PHF20L1: variants seen among roughly 807,000 people sequenced by gnomAD.
PHF20L1 encodes the protein PHD finger protein 20-like protein 1.
Under a neutral mutation model 125.5 loss-of-function variants are expected in PHF20L1, and 44 were observed. The observed-to-expected ratio is 0.35, with a 90% CI of 0.28 to 0.45. PHF20L1 has a LOEUF of 0.45. Among genes scored for constraint, PHF20L1 ranks in the 20% least tolerant of loss-of-function variants. PHF20L1 has a pLI of 1.00. For synonymous variants in PHF20L1, 380 were observed against 403.1 expected, an observed-to-expected ratio of 0.94 and a Z score of 0.69; for missense variants, 1,012 against 1,217.2, an observed-to-expected ratio of 0.83 and a Z score of 2.51.
chr8:132,801,636 TG>T (rs1280909015), intron 6 of PHF20L1, among the ~76,000 whole-genome samples: 1 of 151,732 alleles, frequency 6.6e-6, no homozygotes, highest in Non-Finnish European at 1.5e-5. Context: ...TTATTAAAAA[TG>T]TGTTATATTT....
chr8:132,791,861 A>G (rs939762241), intron 2 of PHF20L1, among the ~76,000 whole-genome samples: 1 of 152,182 alleles, frequency 6.6e-6, no homozygotes, highest in Non-Finnish European at 1.5e-5. Context: ...CCAAAACATA[A>G]TTTTCATTTT....
In PHF20L1 at chr8:132,847,251, TTGG is replaced by T. The variant is rs1169400341; in HGVS notation, c.*1333_*1335del. 6.6e-6 allele frequency: 1 copy of T among 152,606 alleles called. No individual in the cohort carries two copies. The highest frequency in any genetic ancestry group is 2.4e-5 in the African/African-American group (1 of 41,446). 9.5% of individuals were successfully genotyped at this position (152,606 alleles called of 1,614,324 possible). ...GTTTTATTACTATAGACTATACGAA[TTGG>T]TGGTTAACATGAAATGTTACCTTTT... On this transcript the variant is annotated 3_prime_UTR_variant, in exon 21 of 21. Transcript: ENST00000395386.
intron 6 of PHF20L1, among the ~76,000 whole-genome samples, chr8:132,802,586 G>A (rs989574007): frequency 4.6e-5 from 7 of 151,800 alleles, no homozygotes; most frequent in Non-Finnish European, 8.9e-5. Context: ...TGAATGCTTA[G>A]CCTAGTACCT....
intron 14 of PHF20L1, among the ~76,000 whole-genome samples, chr8:132,827,519 A>C (rs909375031): frequency 4.6e-5 from 7 of 152,056 alleles, no homozygotes; most frequent in Non-Finnish European, 5.9e-5. Context: ...CTTACATACA[A>C]AATACCTGTG....
At chr8:132,843,734 TA>T (rs1226966816) in intron 19 of PHF20L1, 3 of 985,074 alleles carry the variant, frequency 3.0e-6, no homozygotes, top group Non-Finnish European at 2.4e-6. Flanking sequence ...AGTCTGTAGT[TA>T]ATTAGATTTT....
intron 2 of PHF20L1, among the ~76,000 whole-genome samples, chr8:132,787,136 C>G (rs1481273369): frequency 6.6e-6 from 1 of 151,700 alleles, no homozygotes; most frequent in East Asian, 1.9e-4. Context: ...GAAAGAAATT[C>G]TCTGTGGTCT....
At chr8:132,776,475 G>A (rs1174417639) in intron 1 of PHF20L1, among the ~76,000 whole-genome samples, 1 of 152,068 alleles carries the variant, frequency 6.6e-6, no homozygotes, top group African/African-American at 2.4e-5. Context: ...TTGTTCTTTT[G>A]CACCAGCTAC....
chr8:132,787,668 T>C (rs1831208110), intron 2 of PHF20L1, among the ~76,000 whole-genome samples: 1 of 152,154 alleles, frequency 6.6e-6, no homozygotes, highest in African/African-American at 2.4e-5. Flanking sequence ...CAAATGAACA[T>C]GCAGTATCCA....
At chr8:132,808,675 A>G (rs1269053871) in intron 8 of PHF20L1, 1 of 152,048 alleles carries the variant, frequency 6.6e-6, no homozygotes, top group Non-Finnish European at 1.5e-5. Context: ...TTAAATGTTA[A>G]ATATTCAGTA....
chr8:132,796,163 T>C (rs569720203), intron 4 of PHF20L1, among the ~76,000 whole-genome samples: 1 of 152,172 alleles, frequency 6.6e-6, no homozygotes, highest in East Asian at 1.9e-4. Flanking sequence ...AAAGTGCTTT[T>C]CTGGTAGAAG....
chr8:132,842,671 G>T lies in PHF20L1; in HGVS notation c.2544G>T (p.Leu848Phe). 1.2e-6 allele frequency: 2 copies of T among 1,613,168 alleles called. No individual in the cohort carries two copies. ...AGAACCATAAAGAACCACCTCGTTT[G>T]CCCCTAAAAATGGAAGGAACTTATA... ...YVQNHKEPPR[L>F]PLKMEGTYIT... Residue 848 changes from leucine (L) to phenylalanine (F), a missense_variant, in exon 19 of 21, where the codon TTG becomes TTT. By Grantham distance (22) the Leu-to-Phe change is conservative (BLOSUM62 0). Transcript: ENST00000395386.
intron 3 of PHF20L1, 63 bp downstream of exon 3, chr8:132,794,644 G>T: frequency 6.7e-7 from 1 of 1,495,146 alleles, no homozygotes; most frequent in Non-Finnish European, 9.2e-7. Flanking sequence ...ATTTTAAAAG[G>T]ATTCTGTTAA....
chr8:132,784,845 T>C (rs1027953239), intron 2 of PHF20L1, among the ~76,000 whole-genome samples: 2 of 152,170 alleles, frequency 1.3e-5, no homozygotes, highest in Admixed American at 6.5e-5. Flanking sequence ...TGTGAGTATA[T>C]GTCTGGCATC....
intron 8 of PHF20L1, chr8:132,806,451 C>T (rs1586935683): frequency 6.6e-6 from 1 of 152,078 alleles, no homozygotes; most frequent in East Asian, 1.9e-4. Context: ...TTGGGAGTCT[C>T]AAATGAATAA....
chr8:132,825,240 A>C, intron 13 of PHF20L1, 24 bp from the exon 14 acceptor site: 1 of 1,592,824 alleles, frequency 6.3e-7, no homozygotes, highest in Non-Finnish European at 8.6e-7. Context: ...CGTGATTGCT[A>C]AAGTATTCAC....
At chr8:132,829,423 A>G (rs1836532183) in intron 14 of PHF20L1, among the ~76,000 whole-genome samples, 1 of 152,106 alleles carries the variant, frequency 6.6e-6, no homozygotes, top group Non-Finnish European at 1.5e-5. Flanking sequence ...TATTATTCGA[A>G]TTAAATAAAG....
intron 15 of PHF20L1, among the ~76,000 whole-genome samples, chr8:132,833,852 C>G (rs1563845563): frequency 6.6e-6 from 1 of 152,016 alleles, no homozygotes; most frequent in Non-Finnish European, 1.5e-5. Flanking sequence ...AGGCCTTAGG[C>G]CAGAAATTCT....
At chr8:132,815,179 C>CAAA in intron 10 of PHF20L1, 1 of 186,058 alleles carries the variant, frequency 5.4e-6, no homozygotes. Context: ...TGATTCATTA[C>CAAA]AAAAAAAAAA....
At position 132,842,546 on chromosome 8, in the gene PHF20L1, G is replaced by A. The variant is rs747615699; in HGVS notation, c.2419G>A (p.Ala807Thr). The A allele has an allele frequency of 6.2e-7, 1 of 1,609,840 alleles. No individual in the cohort carries two copies. The highest frequency in any genetic ancestry group is 1.7e-5 in the Admixed American group (1 of 59,296). The change falls in exon 19 of 21, where the codon GCT becomes ACT. Residue 807 changes from alanine (A) to threonine (T), a missense_variant. By Grantham distance (58) the Ala-to-Thr change is moderately conservative. Coordinates refer to ENST00000395386, the MANE Select transcript of PHF20L1 (RefSeq NM_016018.5). Reference protein sequence around the residue: ...NKHHPDLHLWACSGKRKDQDQ... With the variant: ...NKHHPDLHLWTCSGKRKDQDQ... Reference sequence around the variant, plus strand: ...ACATCATCCTGACCTTCATCTCTGGGCTTGTTCCGGGAAGCGAAAAGACCA... The same window carrying A: ...ACATCATCCTGACCTTCATCTCTGGACTTGTTCCGGGAAGCGAAAAGACCA...
Sources: gnomAD v4.1 joint callset for allele counts (sites outside exome capture counted in the v4.1 genomes callset) on GRCh38, gnomAD v4.1.1 for gene constraint, MANE v1.5 for transcripts, NCBI Gene and HGNC (gene_info 2026-07-23, HGNC 2026-07-21) for gene names.